AKAP13: variants seen among roughly 807,000 people sequenced by gnomAD.
AKAP13 encodes the protein A-kinase anchoring protein 13.
AKAP13 carries 80 observed loss-of-function variants against 264.5 expected under a neutral mutation model. The observed-to-expected ratio is 0.30, with a 90% confidence interval of 0.25 to 0.36. The LOEUF (loss-of-function observed/expected upper bound fraction) is 0.36, where lower values mean the gene tolerates loss of function less well. AKAP13 is among the 10% of genes least tolerant of loss of function. The pLI is 1.00. For missense variants in AKAP13, 3,712 were observed against 3,435.2 expected (o/e 1.08, Z -2.01); for synonymous variants, 1,380 against 1,250.2 (o/e 1.10, Z -2.19).
chr15:85,634,545 CT>C (rs1382712367), intron 8 of AKAP13, among the ~76,000 whole-genome samples: 2 of 152,092 alleles, frequency 1.3e-5, no homozygotes, highest in Non-Finnish European at 2.9e-5. Flanking sequence ...TTTTATACTT[CT>C]GTTTTTGAGA....
chr15:85,420,089 C>T (rs2150896242), intron 1 of AKAP13, among the ~76,000 whole-genome samples: 1 of 151,838 alleles, frequency 6.6e-6, no homozygotes, highest in South Asian at 2.1e-4. Flanking sequence ...CTACAGGCGC[C>T]CGCCACTACG....
In AKAP13 at chr15:85,579,950, G is replaced by GA; in HGVS notation, c.1883dup (p.Asp628GlufsTer33). 6.2e-7 allele frequency: 1 copy of GA among 1,614,172 alleles called. No homozygotes were observed. Among genetic ancestry groups the GA allele is most frequent in the Non-Finnish European group, 8.5e-7 (1 of 1,180,008 alleles). On this transcript the variant is annotated frameshift_variant, in exon 7 of 37. Transcript: ENST00000394518. LOFTEE classifies it high-confidence loss of function. ...TTTAGCCCTTCTTGGGCTGGAAGAA[G>GA]ATGTAATGCCACACCAGAACTCAGA...
At chr15:85,569,399 A>T (rs998370472) in intron 5 of AKAP13, among the ~76,000 whole-genome samples, 4 of 152,114 alleles carry the variant, frequency 2.6e-5, no homozygotes, top group African/African-American at 7.2e-5. Flanking sequence ...TGTGGATGGC[A>T]AATAAGAATA....
intron 17 of AKAP13, among the ~76,000 whole-genome samples, chr15:85,704,049 A>G (rs2086091603): frequency 1.3e-5 from 2 of 152,114 alleles, no homozygotes; most frequent in South Asian, 4.1e-4. Context: ...GATAGGAGAA[A>G]GTTGTGCATT....
Position 85,683,228 on chromosome 15 carries a change from T to C in AKAP13, c.5156+1016T>C, listed in dbSNP as rs1267525786. On this transcript the variant is annotated intron_variant, in intron 15 of 36. Coordinates refer to ENST00000394518, the MANE Select transcript of AKAP13 (RefSeq NM_007200.5). The stretch of plus-strand genomic sequence containing the variant: ...TGGTTTTCATACCATTTCCCCCTTA[T>C]CTTAAAAACAGACTGCTGTATTTTG... 2.6e-5 allele frequency among the ~76,000 whole-genome samples: 4 copies of C among 152,308 alleles called. No homozygotes were observed. In the East Asian group the frequency reaches 5.8e-4, roughly 22 times the overall value.
At chr15:85,530,303 A>C (rs531181510) in intron 3 of AKAP13, among the ~76,000 whole-genome samples, 3 of 152,158 alleles carry the variant, frequency 2.0e-5, no homozygotes, top group African/African-American at 7.2e-5. Flanking sequence ...TTGGCACTTC[A>C]CAGTTTTGGG....
chr15:85,450,711 T>C (rs928478636), intron 1 of AKAP13, among the ~76,000 whole-genome samples: 1 of 152,170 alleles, frequency 6.6e-6, no homozygotes, highest in African/African-American at 2.4e-5. Context: ...TGCGCTGTGG[T>C]CTGAGTGTGT....
intron 1 of AKAP13, 57 bp from the exon 2 acceptor site, chr15:85,485,653 A>G (rs559302461): frequency 6.6e-7 from 1 of 1,520,194 alleles, no homozygotes; most frequent in Non-Finnish European, 9.1e-7. Flanking sequence ...TAGGTGGCTT[A>G]TATATTTTCG....
intron 8 of AKAP13, among the ~76,000 whole-genome samples, chr15:85,637,849 T>C (rs1490664800): frequency 6.6e-6 from 1 of 151,746 alleles, no homozygotes; most frequent in Non-Finnish European, 1.5e-5. Flanking sequence ...TTCTTCTTTT[T>C]CTTAATATTT....
rs1273186629 is a variant in AKAP13, at chr15:85,442,503, T to TA, written c.-11-43207_-11-43206insA. Among the ~76,000 whole-genome samples, 45 of 108,476 alleles carry TA rather than the reference T, an allele frequency of 4.1e-4. No homozygotes were observed. The South Asian group carries it at 0.011, about 26-fold the overall frequency. The allele number at this position is 108,476 out of a possible 152,430, so 71.2% of individuals were successfully genotyped here. A position where few individuals can be genotyped will look rare whatever the true frequency, so the allele number is the denominator to read the frequency against. On this transcript the variant is annotated intron_variant, in intron 1 of 36. Coordinates refer to ENST00000394518, the MANE Select transcript of AKAP13 (RefSeq NM_007200.5). Reference sequence around the variant, plus strand: ...TATAATATATATAATATATATTATATTATATATAATATATATTATATTATA... The same window carrying TA: ...TATAATATATATAATATATATTATATATATATATAATATATATTATATTATA...
At chr15:85,440,940 A>T (rs887105638) in intron 1 of AKAP13, among the ~76,000 whole-genome samples, 1 of 152,344 alleles carries the variant, frequency 6.6e-6, no homozygotes, top group East Asian at 1.9e-4. Flanking sequence ...TATAGCAGTT[A>T]TAAGAGCCCA....
At chr15:85,505,672 A>G (rs543721133) in intron 2 of AKAP13, among the ~76,000 whole-genome samples, 3 of 152,336 alleles carry the variant, frequency 2.0e-5, no homozygotes, top group South Asian at 2.1e-4. Flanking sequence ...TTCGTGTTGC[A>G]TGAGATACTT....
At chr15:85,741,621 A>T in intron 35 of AKAP13, 126 bp downstream of exon 35, 1 of 1,366,012 alleles carries the variant, frequency 7.3e-7, no homozygotes, top group African/African-American at 1.5e-5. Context: ...CATGCCTGTG[A>T]TCCCAGCACT....
chr15:85,741,362 A>G lies in AKAP13; in HGVS notation c.7925A>G (p.Gln2642Arg). 6.2e-7 allele frequency: 1 copy of G among 1,614,040 alleles called. No individual in the cohort carries two copies. Among genetic ancestry groups the G allele is most frequent in the Admixed American group, 1.7e-5 (1 of 60,032 alleles). Reference sequence around the variant, plus strand: ...GAAAAGGAGCGGGAGGAGCTCCAGCAGAAGAAGGGCACATACCAGTATGAC... The same window carrying G: ...GAAAAGGAGCGGGAGGAGCTCCAGCGGAAGAAGGGCACATACCAGTATGAC... ...DLEKEREELQ[Q>R]KKGTYQYDLE... The change falls in exon 35 of 37, where the codon CAG becomes CGG. Residue 2642 changes from glutamine (Q) to arginine (R), a missense_variant. Physicochemically the swap from Gln to Arg is conservative, Grantham distance 43. Coordinates refer to ENST00000394518, the MANE Select transcript of AKAP13 (RefSeq NM_007200.5).
chr15:85,394,292 T>C (rs186534005), intron 1 of AKAP13, among the ~76,000 whole-genome samples: 1 of 152,324 alleles, frequency 6.6e-6, no homozygotes, highest in East Asian at 1.9e-4. Flanking sequence ...AACATGTTTT[T>C]TGGGTGTATA....
chr15:85,508,088 A>G (rs916245234), intron 2 of AKAP13, among the ~76,000 whole-genome samples: 1 of 151,952 alleles, frequency 6.6e-6, no homozygotes. Context: ...TCAAGCAGGA[A>G]TGAGCCCTGA....
At chr15:85,671,278 A>G (rs1272981934) in intron 14 of AKAP13, among the ~76,000 whole-genome samples, 2 of 151,992 alleles carry the variant, frequency 1.3e-5, no homozygotes, top group African/African-American at 4.8e-5. Flanking sequence ...TTAAGACATA[A>G]TGGATGACTC....
At position 85,715,883 on chromosome 15, in the gene AKAP13, G is replaced by A; in HGVS notation, c.5695G>A (p.Val1899Ile). ...TGCCAATAGACGATCCCAGCAGAGT[G>A]TCTCGCTCTCCAAAAGTGTCTCCAT... ...IFANRRSQQS[V>I]SLSKSVSIQN... is the part of the protein sequence containing the mutation. The change falls in exon 20 of 37, where the codon GTC (valine) becomes ATC (isoleucine). Residue 1899 changes from valine (V) to isoleucine (I), a missense_variant. Val to Ile is a conservative substitution (Grantham distance 29). Transcript: ENST00000394518. 1 of 1,612,944 alleles carries A rather than the reference G, an allele frequency of 6.2e-7. No homozygotes were observed.
intron 6 of AKAP13, among the ~76,000 whole-genome samples, chr15:85,576,009 C>T (rs962342260): frequency 6.6e-6 from 1 of 152,146 alleles, no homozygotes; most frequent in Admixed American, 6.5e-5. Context: ...GAAGGACTTT[C>T]CCCAAAGATT....
Sources: gnomAD v4.1 joint callset for allele counts (sites outside exome capture counted in the v4.1 genomes callset) on GRCh38, gnomAD v4.1.1 for gene constraint, MANE v1.5 for transcripts, NCBI Gene and HGNC (gene_info 2026-07-23, HGNC 2026-07-21) for gene names.